FNBP1: variants seen among roughly 807,000 people sequenced by gnomAD.
FNBP1 encodes the protein formin binding protein 1.
In FNBP1, 26 loss-of-function variants were observed where a neutral mutation model predicts 90.6. That is an observed-to-expected ratio of 0.29 (90% CI 0.21 to 0.40). The LOEUF is 0.40. FNBP1 is among the 10% of genes least tolerant of loss of function. FNBP1 has a pLI of 1.00. For synonymous variants in FNBP1, 260 were observed against 265.2 expected (o/e 0.98, Z 0.19); for missense variants, 635 against 768.0 (o/e 0.83, Z 2.05).
At chr9:129,925,377 G>A (rs1042934237) in intron 8 of FNBP1, among the ~76,000 whole-genome samples, 8 of 151,476 alleles carry the variant, frequency 5.3e-5, no homozygotes, top group African/African-American at 1.5e-4. Context: ...GTGGTGGCGG[G>A]CGCCTGTAGT....
At chr9:129,925,438 G>A (rs867485693) in intron 8 of FNBP1, among the ~76,000 whole-genome samples, 5 of 151,648 alleles carry the variant, frequency 3.3e-5, no homozygotes, top group South Asian at 2.1e-4. Context: ...CCCAGGAGGC[G>A]GAGGTTGCAG....
chr9:129,916,014 T>G (rs759454106), intron 10 of FNBP1, 34 bp from the exon 11 acceptor site: 6 of 1,547,886 alleles, frequency 3.9e-6, no homozygotes, highest in Non-Finnish European at 5.3e-6. Flanking sequence ...ATGGGAAAAA[T>G]AGAGAGAAAG....
upstream of FNBP1, among the ~76,000 whole-genome samples, chr9:130,047,399 G>T (rs909730361): frequency 1.3e-5 from 2 of 152,188 alleles, no homozygotes; most frequent in African/African-American, 4.8e-5. Flanking sequence ...TGGATCATGA[G>T]GTCAGGAGTT....
At chr9:130,036,749 GA>G (rs2059348763) in intron 1 of FNBP1, among the ~76,000 whole-genome samples, 1 of 152,148 alleles carries the variant, frequency 6.6e-6, no homozygotes, top group African/African-American at 2.4e-5. Flanking sequence ...GAAGGGTTAA[GA>G]AAAAGGAGCA....
chr9:130,007,397 T>G (rs1431555739), intron 1 of FNBP1, among the ~76,000 whole-genome samples: 1 of 152,030 alleles, frequency 6.6e-6, no homozygotes, highest in Non-Finnish European at 1.5e-5. Flanking sequence ...GCTCAGAAAG[T>G]AGAAGCCTCA....
intron 4 of FNBP1, among the ~76,000 whole-genome samples, chr9:129,963,492 G>A (rs2048128487): frequency 1.3e-5 from 2 of 152,042 alleles, no homozygotes; most frequent in African/African-American, 4.8e-5. Flanking sequence ...TATCTCTCAT[G>A]AAGACTGCTC....
intron 11 of FNBP1, among the ~76,000 whole-genome samples, chr9:129,914,576 T>C (rs1461169489): frequency 1.3e-5 from 2 of 151,844 alleles, no homozygotes; most frequent in Non-Finnish European, 2.9e-5. Context: ...TTGTAGTTCA[T>C]TTAAGTATCT....
chr9:129,899,712 G>C (rs150716874), intron 15 of FNBP1, among the ~76,000 whole-genome samples: 253 of 148,266 alleles, frequency 1.7e-3, no homozygotes, highest in African/African-American at 6.2e-3. Flanking sequence ...TTGGGCAAGA[G>C]AGCGAGACCC....
Position 129,979,623 on chromosome 9 carries a change from C to T in FNBP1, c.141-249G>A, listed in dbSNP as rs569420077. 9.2e-5 allele frequency among the ~76,000 whole-genome samples: 14 copies of T among 152,220 alleles called. 1 individual carries two copies. In the South Asian group the frequency reaches 2.9e-3, roughly 32 times the overall value. On this transcript the variant is annotated intron_variant, in intron 2 of 16. Transcript: ENST00000446176. ...GAATTATTTAATTGGAGAGGACAGA[C>T]CATGTGTAAATATGCAGTGGCTTTC...
chr9:129,914,426 A>G (rs960197170), intron 11 of FNBP1, among the ~76,000 whole-genome samples: 4 of 152,116 alleles, frequency 2.6e-5, no homozygotes, highest in Non-Finnish European at 5.9e-5. Context: ...TTTCAAACAG[A>G]AAGACTGCCT....
chr9:129,899,400 A>G (rs921005828), intron 15 of FNBP1, among the ~76,000 whole-genome samples: 1 of 152,158 alleles, frequency 6.6e-6, no homozygotes, highest in East Asian at 2.0e-4. Flanking sequence ...CTTCTAAAGA[A>G]AGTTCTGGTC....
At position 129,889,788 on chromosome 9, in the gene FNBP1, C is replaced by T; in HGVS notation, c.*751G>A. The T allele has an allele frequency of 4.3e-6, 1 of 232,510 alleles. No individual in the cohort carries two copies. Among genetic ancestry groups the T allele is most frequent in the East Asian group, 6.1e-5 (1 of 16,492 alleles). The allele number at this position is 232,510 out of a possible 1,614,324, so 14.4% of individuals were successfully genotyped here. The stretch of plus-strand genomic sequence containing the variant: ...TGGCCGGTGGACACAGGCGAGTCAA[C>T]AAGGCGAGCTGGAATTCGACTTCCA... On this transcript the variant is annotated 3_prime_UTR_variant, in exon 17 of 17. Transcript: ENST00000446176.
chr9:129,948,356 C>CTTTTTTTTTTTTTTTTTTTTTT (rs71385491), intron 6 of FNBP1, among the ~76,000 whole-genome samples: 11 of 64,480 alleles, frequency 1.7e-4, no homozygotes, highest in African/African-American at 7.0e-4. Flanking sequence ...ATTTTGGTGT[C>CTTTTTTTTTTTTTTTTTTTTTT]TTTTTTTTTT....
intron 6 of FNBP1, among the ~76,000 whole-genome samples, chr9:129,930,600 G>A (rs1307640092): frequency 1.3e-5 from 2 of 152,012 alleles, no homozygotes; most frequent in East Asian, 3.9e-4. Context: ...TTACACATTT[G>A]TTTTTCTCTA....
At chr9:130,009,978 CAA>C (rs68122821) in intron 1 of FNBP1, among the ~76,000 whole-genome samples, 3,839 of 69,842 alleles carry the variant, frequency 0.055, 102 homozygotes, top group African/African-American at 0.13. Context: ...GACCCAGTCT[CAA>C]AAAAAAAAAA....
At chr9:129,907,731 T>C (rs1322132534) in intron 12 of FNBP1, among the ~76,000 whole-genome samples, 2 of 152,092 alleles carry the variant, frequency 1.3e-5, no homozygotes, top group African/African-American at 4.8e-5. Context: ...GGGTTTTGAT[T>C]TTTTTGTTTT....
At chr9:130,046,109 C>A (rs2060058327), upstream of FNBP1, among the ~76,000 whole-genome samples, 1 of 152,000 alleles carries the variant, frequency 6.6e-6, no homozygotes, top group Admixed American at 6.6e-5. Flanking sequence ...AACCTTGTTT[C>A]CTGAAGTATA....
chr9:129,923,898 G>A lies in FNBP1; in HGVS notation c.1116C>T (p.Asn372=), dbSNP rs762789085. Residue 372 remains asparagine (N), a synonymous_variant, in exon 10 of 17, where the codon AAC becomes AAT. Transcript: ENST00000446176. ...TTTTGGGTTTGGAGGTCATGAACTCGTTGAAGCGATGGGAGAGGGGTTCCT... is the reference window on the plus strand; with the variant it reads ...TTTTGGGTTTGGAGGTCATGAACTCATTGAAGCGATGGGAGAGGGGTTCCT... ...QQKEPLSHRF[N]EFMTSKPKIH... is the part of the protein sequence containing the mutation. 6.2e-6 allele frequency: 10 copies of A among 1,602,206 alleles called. No homozygotes were observed. Among genetic ancestry groups the A allele is most frequent in the Middle Eastern group, 1.6e-4 (1 of 6,068 alleles).
At chr9:130,033,902 G>C (rs2059043135) in intron 1 of FNBP1, among the ~76,000 whole-genome samples, 1 of 149,602 alleles carries the variant, frequency 6.7e-6, no homozygotes, top group Non-Finnish European at 1.5e-5. Context: ...TGTAGTCCCA[G>C]CTACTCGGGA....
Sources: allele counts gnomAD v4.1 joint callset (sites outside exome capture counted in the v4.1 genomes callset), GRCh38; gene constraint gnomAD v4.1.1; transcripts MANE v1.5; gene names NCBI Gene and HGNC (gene_info 2026-07-23, HGNC 2026-07-21).